Variants in SLC38A10 observed in about 807,000 individuals in gnomAD.
SLC38A10 encodes the protein Sodium-coupled neutral amino acid transporter 10.
A neutral mutation model predicts 81.0 loss-of-function variants in SLC38A10; 53 were observed. The ratio of observed to expected loss-of-function variants is 0.65; its 90% CI spans 0.53 to 0.82. The LOEUF (loss-of-function observed/expected upper bound fraction) is 0.82. Ranked by LOEUF, SLC38A10 falls within the 40% of genes least tolerant of loss-of-function variation. The probability of loss-of-function intolerance (pLI) is 0.00; values close to 1 mark genes in which losing one functional copy is unlikely to be tolerated. For synonymous variants in SLC38A10, 665 were observed against 655.3 expected (o/e 1.01, Z -0.23); for missense variants, 1,471 against 1,545.0 (o/e 0.95, Z 0.80).
intron 1 of SLC38A10, among the ~76,000 whole-genome samples, chr17:81,291,735 G>A (rs2063312325): frequency 6.6e-6 from 1 of 152,098 alleles, no homozygotes; most frequent in Non-Finnish European, 1.5e-5. Flanking sequence ...AACTCCTCAG[G>A]GCATCACAAG....
chr17:81,251,998 A>G, intron 13 of SLC38A10, 197 bp downstream of exon 13: 1 of 764,706 alleles, frequency 1.3e-6, no homozygotes, highest in Non-Finnish European at 2.0e-6. Flanking sequence ...ACTGTGTGAC[A>G]GATATTACAG....
At chr17:81,267,964 G>A (rs921895452) in intron 10 of SLC38A10, among the ~76,000 whole-genome samples, 5 of 151,568 alleles carry the variant, frequency 3.3e-5, no homozygotes, top group African/African-American at 9.7e-5. Flanking sequence ...GAATGAGGGC[G>A]CTCCAGCAGC....
At chr17:81,291,576 A>T (rs1395629045) in intron 1 of SLC38A10, among the ~76,000 whole-genome samples, 1 of 152,012 alleles carries the variant, frequency 6.6e-6, no homozygotes, top group African/African-American at 2.4e-5. Context: ...CGGAAAAGAC[A>T]CGATACCCAA....
intron 1 of SLC38A10, among the ~76,000 whole-genome samples, chr17:81,291,080 C>T (rs1447472723): frequency 2.6e-5 from 4 of 152,102 alleles, no homozygotes; most frequent in Non-Finnish European, 5.9e-5. Flanking sequence ...ACACAAGGAC[C>T]GCCACACTAG....
chr17:81,247,117 G>A, intron 14 of SLC38A10, 56 bp from the exon 15 acceptor site: 2 of 1,511,650 alleles, frequency 1.3e-6, no homozygotes, highest in Non-Finnish European at 1.8e-6. Flanking sequence ...ACCGTGCTGG[G>A]CCAGGGACGG....
intron 11 of SLC38A10, among the ~76,000 whole-genome samples, chr17:81,258,396 T>C (rs1367132249): frequency 6.6e-6 from 1 of 151,944 alleles, no homozygotes; most frequent in Admixed American, 6.5e-5. Context: ...TACAGCCTCG[T>C]GGAAGAAACA....
rs2062916316 is a variant in SLC38A10 at position 81,251,688 on chromosome 17, C to CA, written c.1946-77dup. ...GTTTGGGGGGTTGGGGGACAGAAGG[C>CA]AAGGGCGGGACAAAAGGAAGTGGCA... On this transcript the variant is annotated intron_variant, in intron 13 of 15. Transcript: ENST00000374759. The CA allele has an allele frequency of 5.0e-6, 7 of 1,400,476 alleles. No homozygotes were observed. The South Asian group carries it at 1.0e-4, about 20-fold the overall frequency. 86.8% of individuals were successfully genotyped at this position (1,400,476 alleles called of 1,614,324 possible).
chr17:81,290,338 C>T (rs1190070326), intron 1 of SLC38A10, among the ~76,000 whole-genome samples: 1 of 152,114 alleles, frequency 6.6e-6, no homozygotes, highest in Non-Finnish European at 1.5e-5. Context: ...TATCCACAAC[C>T]CAAAAATGGA....
intron 1 of SLC38A10, 39 bp downstream of exon 1, chr17:81,294,784 G>A: frequency 6.6e-7 from 1 of 1,524,166 alleles, no homozygotes; most frequent in South Asian, 1.2e-5. Flanking sequence ...CCTCTGCGGG[G>A]GAGGCGAGGG....
chr17:81,246,728 T>C, intron 15 of SLC38A10, 55 bp from the exon 16 acceptor site: 1 of 1,498,972 alleles, frequency 6.7e-7, no homozygotes, highest in Non-Finnish European at 8.9e-7. Context: ...AGGCTGCCAG[T>C]GGAGGGGCTC....
intron 10 of SLC38A10, among the ~76,000 whole-genome samples, chr17:81,260,634 C>T (rs946106599): frequency 1.3e-5 from 2 of 152,238 alleles, no homozygotes; most frequent in Admixed American, 1.3e-4. Context: ...GAGGGCTGAG[C>T]CCTGATGCGC....
At chr17:81,266,357 C>T (rs541013399) in intron 10 of SLC38A10, among the ~76,000 whole-genome samples, 3 of 152,310 alleles carry the variant, frequency 2.0e-5, no homozygotes, top group South Asian at 2.1e-4. Flanking sequence ...CGGTGGCTCA[C>T]GCCTGTAATC....
Position 81,246,456 on chromosome 17 carries a change from G to A in SLC38A10, c.2460C>T (p.Gly820=), listed in dbSNP as rs199739119. The A allele has an allele frequency of 1.2e-4, 185 of 1,582,848 alleles. 1 individual carries two copies. Among genetic ancestry groups the A allele is most frequent in the Non-Finnish European group, 7.4e-5 (86 of 1,165,408 alleles). ...CTGCCCGAGGCTCTGTGTCAGGGCC[G>A]CCGTCAGGAGGGCCAGCAGGGTCTC... ...VGRDPAGPPD[G]GPDTEPRAAQ... The change falls in exon 16 of 16, where the codon GGC becomes GGT. Residue 820 remains glycine (G), a synonymous_variant. Transcript: ENST00000374759.
At chr17:81,250,122 A>G (rs1443865711) in intron 14 of SLC38A10, 2 of 1,284,378 alleles carry the variant, frequency 1.6e-6, no homozygotes, top group Admixed American at 2.4e-5. Context: ...GGCATACGGA[A>G]GAAAGGCAGA....
In SLC38A10 at chr17:81,270,130, C is replaced by T. The variant is rs1219872299; in HGVS notation, c.1131+788G>A. On this transcript the variant is annotated intron_variant, in intron 10 of 15. Transcript: ENST00000374759. The surrounding 1 kb of genome is among the most constrained non-coding windows in gnomAD (Gnocchi z 4.0). The stretch of plus-strand genomic sequence containing the variant: ...GCCAGAGAGGCCAAGAATGATGAAG[C>T]CTGGAAGGTCCTGGGTGCAGGGACA... Among the ~76,000 whole-genome samples the T allele has an allele frequency of 1.3e-5, 2 of 152,180 alleles. No individual in the cohort carries two copies. Among genetic ancestry groups the T allele is most frequent in the Admixed American group, 6.5e-5 (1 of 15,278 alleles).
At chr17:81,260,562 G>A (rs972907244) in intron 10 of SLC38A10, among the ~76,000 whole-genome samples, 168 bp from the exon 11 acceptor site, 1 of 152,224 alleles carries the variant, frequency 6.6e-6, no homozygotes, top group Non-Finnish European at 1.5e-5. Flanking sequence ...CCCTGCCTGA[G>A]GACAGGTGTC....
chr17:81,266,063 G>A (rs1213343725), intron 10 of SLC38A10, among the ~76,000 whole-genome samples: 3 of 152,204 alleles, frequency 2.0e-5, no homozygotes, highest in Non-Finnish European at 4.4e-5. Context: ...CCGACACTGG[G>A]CTAACGGGTA....
intron 1 of SLC38A10, among the ~76,000 whole-genome samples, chr17:81,291,486 C>CAAAAAA (rs397856930): frequency 8.9e-6 from 1 of 112,038 alleles, no homozygotes. Flanking sequence ...GACTCCATCT[C>CAAAAAA]AAAAAAAAAA....
intron 5 of SLC38A10, 70 bp downstream of exon 5, chr17:81,282,119 G>A: frequency 1.9e-6 from 3 of 1,598,934 alleles, no homozygotes; most frequent in African/African-American, 1.3e-5. Flanking sequence ...GCACGAGCCT[G>A]CTGTGGCCAC....
Sources: gnomAD v4.1 joint callset for allele counts (sites outside exome capture counted in the v4.1 genomes callset) on GRCh38, gnomAD v4.1.1 for gene constraint, Gnocchi (gnomAD v3.1) non-coding constraint, MANE v1.5 for transcripts, NCBI Gene and HGNC (gene_info 2026-07-23, HGNC 2026-07-21) for gene names.